ZNF582: variants seen among roughly 807,000 people sequenced by gnomAD.
ZNF582 encodes zinc finger protein 582.
A neutral mutation model predicts 12.3 loss-of-function variants in ZNF582; 14 were observed. That is an observed-to-expected ratio of 1.14 (90% confidence interval 0.75 to 1.78). The LOEUF (loss-of-function observed/expected upper bound fraction) is 1.78, where lower values mean the gene tolerates loss of function less well. Ranked by LOEUF, ZNF582 falls within the 40% of genes most tolerant of loss-of-function variation. The pLI, the probability that ZNF582 is intolerant of heterozygous loss-of-function variation, is 0.00. For missense variants in ZNF582, 567 were observed against 616.5 expected, an observed-to-expected ratio of 0.92 and a Z score of 0.85; for synonymous variants, 210 against 207.2, an observed-to-expected ratio of 1.01 and a Z score of -0.11.
At chr19:56,390,325 A>G in intron 3 of ZNF582, 50 bp downstream of exon 3, 1 of 1,612,170 alleles carries the variant, frequency 6.2e-7, no homozygotes, top group Non-Finnish European at 8.5e-7. Context: ...CTGACCAGGA[A>G]GGAACATGCC....
At chr19:56,383,847 C>T in exon 5 of ZNF582, 1 of 1,526,242 alleles carries the variant, frequency 6.6e-7, no homozygotes, top group Non-Finnish European at 8.8e-7. Flanking sequence ...AGAAGTAAGT[C>T]ACAGTCACAA....
chr19:56,388,354 G>C (rs1339619965), intron 4 of ZNF582: 1 of 152,222 alleles, frequency 6.6e-6, no homozygotes, highest in African/African-American at 2.4e-5. Context: ...AACAAATGGT[G>C]AAAGGGAGAA....
chr19:56,390,027 C>G lies in ZNF582; in HGVS notation c.206G>C (p.Arg69Thr), dbSNP rs11883260. 1,526 of 1,614,014 alleles carry G rather than the reference C, an allele frequency of 9.5e-4. 9 individuals carry two copies. In the African/African-American group the frequency reaches 0.017, roughly 18 times the overall value. Reference sequence around the variant, plus strand: ...TGGACACAGGCCTCCAGACACCACTCTCTCCACCATCCAGGGCTCTTTGCC... The same window carrying G: ...TGGACACAGGCCTCCAGACACCACTGTCTCCACCATCCAGGGCTCTTTGCC... Residue 69 changes from arginine (R) to threonine (T), a missense_variant, in exon 4 of 5, where the codon AGA (arginine) becomes ACA (threonine). Transcript: ENST00000586929.
intron 4 of ZNF582, 72 bp from the exon 5 acceptor site, chr19:56,385,256 G>A: frequency 6.8e-7 from 1 of 1,462,200 alleles, no homozygotes; most frequent in Non-Finnish European, 9.0e-7. Flanking sequence ...ATAAGAACTG[G>A]AGGGTTTAGA....
exon 5 of ZNF582, chr19:56,384,941 G>A (rs752222764): frequency 6.2e-7 from 1 of 1,614,090 alleles, no homozygotes; most frequent in East Asian, 2.2e-5. Flanking sequence ...CTGATAAAAA[G>A]TAAGGGATGC....
intron 4 of ZNF582, among the ~76,000 whole-genome samples, chr19:56,389,668 TA>T (rs898699353): frequency 2.6e-5 from 4 of 151,656 alleles, no homozygotes; most frequent in Non-Finnish European, 4.4e-5. Context: ...CTCCTGAAGT[TA>T]AAAAAAATTT....
chr19:56,389,663 G>A (rs2041999131), intron 4 of ZNF582, among the ~76,000 whole-genome samples: 1 of 151,480 alleles, frequency 6.6e-6, no homozygotes, highest in Non-Finnish European at 1.5e-5. Flanking sequence ...TTATACTCCT[G>A]AAGTTAAAAA....
At chr19:56,388,447 A>G (rs2041986737) in intron 4 of ZNF582, 1 of 152,228 alleles carries the variant, frequency 6.6e-6, no homozygotes, top group Admixed American at 6.5e-5. Context: ...TATTAATCAT[A>G]TCTGATCCAA....
chr19:56,393,417 C>A, exon 1 of ZNF582: 1 of 580,658 alleles, frequency 1.7e-6, no homozygotes, highest in South Asian at 1.4e-5. Context: ...CCCCAGAGCG[C>A]CTGGAAAGCT....
exon 5 of ZNF582, chr19:56,383,720 C>A: frequency 2.1e-6 from 2 of 971,622 alleles, no homozygotes; most frequent in Non-Finnish European, 2.8e-6. Context: ...ATGATCTGAA[C>A]AATTTACATC....
intron 4 of ZNF582, among the ~76,000 whole-genome samples, chr19:56,389,265 G>A (rs2041996020): frequency 6.6e-6 from 1 of 152,138 alleles, no homozygotes; most frequent in African/African-American, 2.4e-5. Context: ...CATATTCCAT[G>A]GTGCATAATA....
exon 5 of ZNF582, chr19:56,383,054 A>T (rs778513547): frequency 6.6e-6 from 1 of 152,224 alleles, no homozygotes; most frequent in Non-Finnish European, 1.5e-5. Context: ...GATACTGGCC[A>T]TACTGTGCTG....
chr19:56,390,342 T>A (rs138857877), intron 3 of ZNF582, 33 bp downstream of exon 3: 2 of 1,613,786 alleles, frequency 1.2e-6, no homozygotes, highest in East Asian at 4.5e-5. Context: ...TGCCCAAGGA[T>A]AACCTCCAAA....
At position 56,388,782 on chromosome 19, in the gene ZNF582, G is replaced by A. The variant is rs184609275; in HGVS notation, c.232+1219C>T. Among the ~76,000 whole-genome samples, 244 of 152,206 alleles carry A rather than the reference G, an allele frequency of 1.6e-3. 1 individual carries two copies. Among genetic ancestry groups the A allele is most frequent in the African/African-American group, 5.5e-3 (228 of 41,524 alleles). On this transcript the variant is annotated intron_variant, in intron 4 of 4. Coordinates refer to ENST00000586929, the Ensembl canonical transcript of ZNF582. ...CAAGTAGCTGGGATTATAGGCACGT[G>A]CCACCACACCCGGCTAATTTTTGTG...
exon 5 of ZNF582, chr19:56,383,900 T>A: frequency 3.8e-6 from 6 of 1,599,728 alleles, no homozygotes; most frequent in Non-Finnish European, 5.1e-6. Context: ...TCCATTCATA[T>A]GGTTGCTTGC....
chr19:56,386,955 G>T (rs8101140), intron 4 of ZNF582, among the ~76,000 whole-genome samples: 47,605 of 152,158 alleles, frequency 0.31, 8,208 homozygotes, highest in East Asian at 0.65. Context: ...ATGTTGCCAT[G>T]AAGTTCAAAT....
At chr19:56,383,785 A>C (rs2041937825) in exon 5 of ZNF582, 1 of 1,461,350 alleles carries the variant, frequency 6.8e-7, no homozygotes, top group Non-Finnish European at 9.0e-7. Context: ...CTTACCTCTG[A>C]ATGAAGGCAT....
In ZNF582 at chr19:56,384,323, T is replaced by G. The variant is rs569355199; in HGVS notation, c.1094A>C (p.Lys365Thr). The G allele has an allele frequency of 3.7e-6, 6 of 1,613,966 alleles. No individual in the cohort carries two copies. In the African/African-American group the frequency reaches 8.0e-5, roughly 22 times the overall value. Residue 365 changes from lysine to threonine, a missense_variant, in exon 5 of 5, where the codon AAA becomes ACA. Physicochemically the swap from Lys to Thr is moderately conservative, Grantham distance 78. Coordinates refer to ENST00000586929, the Ensembl canonical transcript of ZNF582. ...TCCACATACTTTGCACTCATAGGGT[T>G]TCTCACCGGTATGAATTCTCTGATG...
At chr19:56,390,682 A>G (rs1174334784) in intron 2 of ZNF582, among the ~76,000 whole-genome samples, 181 bp from the exon 3 acceptor site, 1 of 152,188 alleles carries the variant, frequency 6.6e-6, no homozygotes, top group Non-Finnish European at 1.5e-5. Context: ...ATTGTTCTCA[A>G]ACATTCCTTT....
Sources: gnomAD v4.1 joint callset for allele counts (sites outside exome capture counted in the v4.1 genomes callset) on GRCh38, gnomAD v4.1.1 for gene constraint, MANE v1.5 for transcripts, NCBI Gene and HGNC (gene_info 2026-07-23, HGNC 2026-07-21) for gene names.